The following SNCAIP variants were observed in gnomAD, a reference collection of about 807,000 sequenced individuals.
SNCAIP encodes synphilin-1.
SNCAIP carries 43 observed loss-of-function variants against 86.7 expected under a neutral mutation model. The observed-to-expected ratio is 0.50, with a 90% CI of 0.39 to 0.64. The LOEUF (loss-of-function observed/expected upper bound fraction) is 0.64. Ranked by LOEUF, SNCAIP falls within the 30% of genes least tolerant of loss-of-function variation. The pLI, the probability that SNCAIP is intolerant of heterozygous loss-of-function variation, is 0.00. For missense variants in SNCAIP, 981 were observed against 1,103.1 expected, an observed-to-expected ratio of 0.89 and a Z score of 1.57; for synonymous variants, 417 against 427.2, an observed-to-expected ratio of 0.98 and a Z score of 0.29.
At chr5:122,318,338 T>C (rs768300885) in intron 1 of SNCAIP, among the ~76,000 whole-genome samples, 3 of 152,202 alleles carry the variant, frequency 2.0e-5, no homozygotes, top group Non-Finnish European at 2.9e-5. Flanking sequence ...AAGCCCCTGC[T>C]GAACATCCCC....
rs957365318 is a variant in SNCAIP at position 122,378,449 on chromosome 5, C to G, written c.-46-12640C>G. Among the ~76,000 whole-genome samples, 6 of 139,276 alleles carry G rather than the reference C, an allele frequency of 4.3e-5. 1 individual carries two copies. The highest frequency in any genetic ancestry group is 9.4e-5 in the Non-Finnish European group (6 of 64,008). The allele number at this position is 139,276 out of a possible 152,430, so 91.4% of individuals were successfully genotyped here. A position where few individuals can be genotyped will look rare whatever the true frequency, so the allele number is the denominator to read the frequency against. The stretch of plus-strand genomic sequence containing the variant: ...TAGATTCTGGATATTAGCCCTTTGT[C>G]AGATGAGTAGGTTGTGAAAATTTTC... On this transcript the variant is annotated intron_variant, in intron 1 of 10. Coordinates refer to ENST00000261368, the MANE Select transcript of SNCAIP (RefSeq NM_005460.4).
At chr5:122,350,230 T>C (rs1049317378) in intron 1 of SNCAIP, among the ~76,000 whole-genome samples, 1 of 152,180 alleles carries the variant, frequency 6.6e-6, no homozygotes, top group Non-Finnish European at 1.5e-5. Flanking sequence ...TGTAAATACA[T>C]AAATACGTTG....
chr5:122,386,312 T>C (rs2152830080), intron 1 of SNCAIP, among the ~76,000 whole-genome samples: 1 of 152,284 alleles, frequency 6.6e-6, no homozygotes, highest in East Asian at 1.9e-4. Flanking sequence ...TGCAATGTGG[T>C]TCTCAGTTAT....
chr5:122,452,589 A>C (rs558877629), intron 10 of SNCAIP, among the ~76,000 whole-genome samples: 1 of 152,246 alleles, frequency 6.6e-6, no homozygotes, highest in East Asian at 1.9e-4. Flanking sequence ...TAAATTAAAT[A>C]TCAAATTCCT....
At chr5:122,365,140 A>G (rs780420378) in intron 1 of SNCAIP, among the ~76,000 whole-genome samples, 2 of 150,450 alleles carry the variant, frequency 1.3e-5, no homozygotes, top group Non-Finnish European at 3.0e-5. Context: ...TAGCTTATTT[A>G]CTCCTGTGAA....
At chr5:122,361,552 GT>G (rs942456637) in intron 1 of SNCAIP, among the ~76,000 whole-genome samples, 1 of 152,082 alleles carries the variant, frequency 6.6e-6, no homozygotes. Flanking sequence ...TGAAGGAGCT[GT>G]TTTTTTAAAA....
chr5:122,451,857 A>C, intron 10 of SNCAIP: 4 of 414,224 alleles, frequency 9.7e-6, no homozygotes, highest in Non-Finnish European at 1.7e-5. Flanking sequence ...CTGGTCCATA[A>C]ATTTCCCTAA....
chr5:122,311,842 A>T (rs1750624323), upstream of SNCAIP: 2 of 152,412 alleles, frequency 1.3e-5, no homozygotes, highest in Non-Finnish European at 2.9e-5. Flanking sequence ...ATCCCTGGTG[A>T]GGAAGCGGCG....
At chr5:122,340,468 A>G (rs962330597) in intron 1 of SNCAIP, among the ~76,000 whole-genome samples, 2 of 152,156 alleles carry the variant, frequency 1.3e-5, no homozygotes, top group Non-Finnish European at 2.9e-5. Flanking sequence ...AAATAGTCCA[A>G]TTTCTTCCAA....
At chr5:122,409,371 A>G (rs1242994392) in intron 3 of SNCAIP, among the ~76,000 whole-genome samples, 2 of 152,266 alleles carry the variant, frequency 1.3e-5, no homozygotes, top group Non-Finnish European at 2.9e-5. Context: ...GATTCTTTCA[A>G]CATCTGTATC....
intron 1 of SNCAIP, among the ~76,000 whole-genome samples, chr5:122,344,525 C>T (rs1373016701): frequency 1.3e-5 from 2 of 151,978 alleles, no homozygotes; most frequent in Non-Finnish European, 2.9e-5. Flanking sequence ...CTTTGAGCTA[C>T]AAGGAAATGA....
chr5:122,313,157 C>T (rs1316283868), intron 1 of SNCAIP, among the ~76,000 whole-genome samples: 3 of 152,194 alleles, frequency 2.0e-5, no homozygotes, highest in Non-Finnish European at 4.4e-5. Context: ...AGGGGGGAAA[C>T]GTGTTGTTTT....
Position 122,450,049 on chromosome 5 carries a change from C to T in SNCAIP, c.1685+112C>T, listed in dbSNP as rs141834840. ...GGATGACAACAGAAAACATTTTCTT[C>T]TTATAAAGAGGAATAAAAATGAGAA... On this transcript the variant is annotated intron_variant, in intron 9 of 10. Coordinates refer to ENST00000261368, the MANE Select transcript of SNCAIP (RefSeq NM_005460.4). 157 of 797,744 alleles carry T rather than the reference C, an allele frequency of 2.0e-4. 1 individual carries two copies. In the East Asian group the frequency reaches 4.0e-3, roughly 20 times the overall value. The allele number at this position is 797,744 out of a possible 1,614,324, so 49.4% of individuals were successfully genotyped here. A position where few individuals can be genotyped will look rare whatever the true frequency, so the allele number is the denominator to read the frequency against.
intron 1 of SNCAIP, among the ~76,000 whole-genome samples, chr5:122,322,875 G>T (rs1753254128): frequency 6.6e-6 from 1 of 152,162 alleles, no homozygotes; most frequent in Non-Finnish European, 1.5e-5. Context: ...ACAGTTTTGG[G>T]AATGCTGCTT....
At chr5:122,360,392 G>C (rs1216014209) in intron 1 of SNCAIP, among the ~76,000 whole-genome samples, 1 of 152,122 alleles carries the variant, frequency 6.6e-6, no homozygotes, top group Non-Finnish European at 1.5e-5. Flanking sequence ...TTTCTTTCTT[G>C]TGGACGCTGG....
intron 3 of SNCAIP, among the ~76,000 whole-genome samples, chr5:122,404,964 C>A (rs1358756568): frequency 6.6e-6 from 1 of 152,086 alleles, no homozygotes. Context: ...GTTTTCAGTT[C>A]AAATAAAAGC....
intron 1 of SNCAIP, among the ~76,000 whole-genome samples, chr5:122,368,445 T>C (rs1010914541): frequency 6.6e-6 from 1 of 152,170 alleles, no homozygotes; most frequent in Non-Finnish European, 1.5e-5. Context: ...GAACCTCGTA[T>C]ATACAGAAAT....
At chr5:122,412,832 A>T (rs1373587082) in intron 3 of SNCAIP, among the ~76,000 whole-genome samples, 1 of 152,234 alleles carries the variant, frequency 6.6e-6, no homozygotes, top group Non-Finnish European at 1.5e-5. Flanking sequence ...CTGCTGACTG[A>T]AACATCTCAT....
chr5:122,421,490 A>G (rs527775701), intron 3 of SNCAIP, among the ~76,000 whole-genome samples: 11 of 152,324 alleles, frequency 7.2e-5, no homozygotes, highest in Non-Finnish European at 1.6e-4. Context: ...TCACCCTAAG[A>G]ATCAGTCATA....
Sources: gnomAD v4.1 joint callset for allele counts (sites outside exome capture counted in the v4.1 genomes callset) on GRCh38, gnomAD v4.1.1 for gene constraint, MANE v1.5 for transcripts, NCBI Gene and HGNC (gene_info 2026-07-23, HGNC 2026-07-21) for gene names.